Variants in CNKSR2 observed in about 807,000 individuals in gnomAD.
CNKSR2 encodes CNK homolog protein 2.
In CNKSR2, 14 loss-of-function variants were observed where a neutral mutation model predicts 84.4. That is an observed-to-expected ratio of 0.17 (90% CI 0.11 to 0.26). The LOEUF is 0.26. Ranked by LOEUF, CNKSR2 falls within the 10% of genes least tolerant of loss-of-function variation. CNKSR2 has a pLI of 1.00. For synonymous variants in CNKSR2, 275 were observed against 277.9 expected, an observed-to-expected ratio of 0.99 and a Z score of 0.10; for missense variants, 485 against 771.2, an observed-to-expected ratio of 0.63 and a Z score of 4.40.
At position 21,376,000 on chromosome X, in the gene CNKSR2, A is replaced by G. The variant is rs190495612; in HGVS notation, c.64+1039A>G. On this transcript the variant is annotated intron_variant, in intron 1 of 21. Transcript: ENST00000379510. Reference sequence around the variant, plus strand: ...GGGGATGGATGGGATGGAATGGAATAAAGGATGCGTGGCCACACTTGGGAA... The same window carrying G: ...GGGGATGGATGGGATGGAATGGAATGAAGGATGCGTGGCCACACTTGGGAA... Among the ~76,000 whole-genome samples the G allele has an allele frequency of 1.5e-4, 17 of 111,916 alleles. 1 individual carries two copies. The East Asian group carries it at 4.8e-3, about 32-fold the overall frequency.
At chrX:21,459,303 C>T (rs1037091137) in intron 4 of CNKSR2, among the ~76,000 whole-genome samples, 6 of 112,124 alleles carry the variant, frequency 5.4e-5, no homozygotes, top group Non-Finnish European at 9.4e-5. Flanking sequence ...GGATTACAGG[C>T]GTGAGCCACC....
chrX:21,624,871 C>T (rs2092616362), intron 20 of CNKSR2, among the ~76,000 whole-genome samples: 1 of 112,321 alleles, frequency 8.9e-6, no homozygotes, highest in African/African-American at 3.2e-5. Context: ...CTTAAATTGA[C>T]AATATCTGAC....
intron 5 of CNKSR2, among the ~76,000 whole-genome samples, chrX:21,475,992 C>G (rs911745739): frequency 9.0e-6 from 1 of 111,059 alleles, no homozygotes. Context: ...TCAACCTGTA[C>G]GAGTGTCAGA....
At chrX:21,626,707 C>T (rs780489752) in intron 20 of CNKSR2, among the ~76,000 whole-genome samples, 3 of 112,347 alleles carry the variant, frequency 2.7e-5, no homozygotes, top group Non-Finnish European at 5.6e-5. Context: ...TGCCAAGTAG[C>T]CCTGAATGGC....
intron 1 of CNKSR2, among the ~76,000 whole-genome samples, chrX:21,404,662 G>A (rs1417196432): frequency 2.8e-5 from 3 of 107,362 alleles, no homozygotes; most frequent in Non-Finnish European, 5.8e-5. Flanking sequence ...GGTGATGCGT[G>A]TCTGTAATCC....
At chrX:21,495,840 C>G (rs914528004) in intron 6 of CNKSR2, 1 of 85,669 alleles carries the variant, frequency 1.2e-5, no homozygotes, top group Non-Finnish European at 2.2e-5. Context: ...AATTTACTCT[C>G]TAGCTCTTAC....
chrX:21,503,326 G>C (rs1341930089), intron 8 of CNKSR2: 3 of 292,940 alleles, frequency 1.0e-5, no homozygotes, highest in African/African-American at 2.8e-5. Flanking sequence ...TTGACTTATG[G>C]CTTTAAGTGA....
At chrX:21,506,961 GCAT>G (rs1569211351) in intron 8 of CNKSR2, 2 of 106,958 alleles carry the variant, frequency 1.9e-5, no homozygotes, top group African/African-American at 6.9e-5. Context: ...TTGCAAATCA[GCAT>G]CATCCTCAGT....
intron 8 of CNKSR2, chrX:21,503,980 G>T (rs1478970985): frequency 9.0e-6 from 1 of 111,213 alleles, no homozygotes; most frequent in African/African-American, 3.3e-5. Context: ...ATTGATTTTG[G>T]AATATAATAG....
intron 4 of CNKSR2, among the ~76,000 whole-genome samples, chrX:21,442,373 CACT>C (rs2147088132): frequency 8.9e-6 from 1 of 111,744 alleles, no homozygotes; most frequent in South Asian, 3.7e-4. Flanking sequence ...GGTACCCACA[CACT>C]ACTTGTCAGC....
intron 14 of CNKSR2, 177 bp downstream of exon 14, chrX:21,590,797 C>T (rs968663311): frequency 2.1e-6 from 1 of 484,479 alleles, no homozygotes; most frequent in African/African-American, 2.4e-5. Context: ...GTACCTTTTA[C>T]AACAAATGAT....
At chrX:21,623,566 A>G (rs1169060640) in intron 20 of CNKSR2, among the ~76,000 whole-genome samples, 1 of 111,954 alleles carries the variant, frequency 8.9e-6, no homozygotes, top group Non-Finnish European at 1.9e-5. Flanking sequence ...ATTTTCACAC[A>G]TAGCCAGTGA....
chrX:21,486,110 C>T (rs776523954), intron 5 of CNKSR2, among the ~76,000 whole-genome samples: 2 of 111,235 alleles, frequency 1.8e-5, no homozygotes, highest in East Asian at 2.8e-4. Context: ...GGCAACAGAT[C>T]GAGACTCCAT....
At chrX:21,522,230 C>G (rs959523880) in intron 9 of CNKSR2, among the ~76,000 whole-genome samples, 5 of 110,557 alleles carry the variant, frequency 4.5e-5, no homozygotes, top group African/African-American at 1.6e-4. Flanking sequence ...GTATTGTGAT[C>G]CATTTGAGTC....
intron 3 of CNKSR2, among the ~76,000 whole-genome samples, chrX:21,439,849 A>T (rs1332422690): frequency 9.0e-6 from 1 of 110,825 alleles, no homozygotes; most frequent in East Asian, 2.8e-4. Flanking sequence ...ATATTTGAAG[A>T]AGAAACACCA....
chrX:21,511,268 A>G (rs772233464), intron 8 of CNKSR2, among the ~76,000 whole-genome samples: 1 of 111,712 alleles, frequency 9.0e-6, no homozygotes, highest in African/African-American at 3.2e-5. Context: ...GAGGTACAGA[A>G]TGTCTATTAC....
chrX:21,506,986 C>G (rs1046450252), intron 8 of CNKSR2, among the ~76,000 whole-genome samples: 1 of 103,238 alleles, frequency 9.7e-6, no homozygotes, highest in African/African-American at 3.9e-5. Flanking sequence ...ACCCCCCACC[C>G]GTTTTTTTTT....
At chrX:21,472,128 C>T (rs1039193570) in intron 5 of CNKSR2, among the ~76,000 whole-genome samples, 3 of 111,386 alleles carry the variant, frequency 2.7e-5, no homozygotes, top group East Asian at 2.8e-4. Flanking sequence ...TCTTTTTTCC[C>T]GTGGAACCCA....
At chrX:21,631,390 T>C (rs964659588) in intron 20 of CNKSR2, among the ~76,000 whole-genome samples, 1 of 112,572 alleles carries the variant, frequency 8.9e-6, no homozygotes, top group Admixed American at 9.4e-5. Flanking sequence ...AATTATTTCA[T>C]ATGGTGACTA....
Sources: gnomAD v4.1 joint callset for allele counts (sites outside exome capture counted in the v4.1 genomes callset) on GRCh38, gnomAD v4.1.1 for gene constraint, MANE v1.5 for transcripts, NCBI Gene and HGNC (gene_info 2026-07-23, HGNC 2026-07-21) for gene names.